The following ANK1 variants were observed in gnomAD, a reference collection of about 807,000 sequenced individuals.
ANK1 encodes the protein ankyrin-1.
ANK1 carries 51 observed loss-of-function variants against 210.4 expected under a neutral mutation model. The observed-to-expected ratio is 0.24, with a 90% confidence interval of 0.19 to 0.31. ANK1 has a LOEUF of 0.31. Among genes scored for constraint, ANK1 ranks in the 10% least tolerant of loss-of-function variants. The pLI is 1.00. For missense variants in ANK1, 2,051 were observed against 2,504.4 expected (o/e 0.82, Z 3.86); for synonymous variants, 967 against 1,025.9 (o/e 0.94, Z 1.10).
At chr8:41,663,114 CTG>C (rs56138651) in intron 40 of ANK1, among the ~76,000 whole-genome samples, 2,477 of 145,188 alleles carry the variant, frequency 0.017, 25 homozygotes, top group South Asian at 0.028. Flanking sequence ...CTCTCTCTCT[CTG>C]TGTGTGTGTG....
At chr8:41,701,462 C>G in intron 22 of ANK1, 88 bp downstream of exon 22, 1 of 1,246,808 alleles carries the variant, frequency 8.0e-7, no homozygotes, top group Non-Finnish European at 1.2e-6. Context: ...TGTAAGGGGA[C>G]AAAGCCGGCA....
At position 41,719,850 on chromosome 8, in the gene ANK1, C is replaced by T; in HGVS notation, c.918G>A (p.Leu306=). 1 of 1,614,212 alleles carries T rather than the reference C, an allele frequency of 6.2e-7. No individual in the cohort carries two copies. Among genetic ancestry groups the T allele is most frequent in the East Asian group, 2.2e-5 (1 of 44,886 alleles). ...APIQAKTKNG[L]SPIHMAAQGD... is the part of the protein sequence containing the mutation. ...CCTGAGCCGCCATGTGAATTGGGGA[C>T]AGGCCGTTCTGGGTAAAGAGGAAAA... Residue 306 remains leucine (L), a synonymous_variant, in exon 10 of 43, where the codon CTG becomes CTA. Transcript: ENST00000289734.
chr8:41,815,933 C>CT (rs1803243960), intron 1 of ANK1, among the ~76,000 whole-genome samples: 1 of 152,138 alleles, frequency 6.6e-6, no homozygotes, highest in Non-Finnish European at 1.5e-5. Context: ...TGTTTCAGTA[C>CT]TTTATCTTAT....
intron 1 of ANK1, among the ~76,000 whole-genome samples, chr8:41,879,584 C>T (rs1194545165): frequency 6.6e-6 from 1 of 152,164 alleles, no homozygotes; most frequent in African/African-American, 2.4e-5. Flanking sequence ...GGCCTTTTAC[C>T]CAGGCACGCA....
At chr8:41,804,815 A>G (rs969286148) in intron 1 of ANK1, among the ~76,000 whole-genome samples, 1 of 152,196 alleles carries the variant, frequency 6.6e-6, no homozygotes, top group African/African-American at 2.4e-5. Context: ...CATTCCGGCA[A>G]AACACGGTGA....
In ANK1 at chr8:41,694,100, G is replaced by C. The variant is rs746203757; in HGVS notation, c.3330C>G (p.Ala1110=). The stretch of plus-strand genomic sequence containing the variant: ...TGACAAGCTCATCCGGGACAGGCTG[G>C]GCCTGTGAAATGACAGAGGCAGGAC... ...VTKRVKLALQ[A]QPVPDELVTK... Residue 1110 remains alanine, a splice_region_variant and synonymous_variant, in exon 29 of 43, where the codon GCC becomes GCG. Transcript: ENST00000289734. This position sits in a 1 kb window ranked among gnomAD's most constrained non-coding sequence, Gnocchi z 5.7. 4 of 1,613,658 alleles carry C rather than the reference G, an allele frequency of 2.5e-6. No individual in the cohort carries two copies. In the South Asian group the frequency reaches 4.4e-5, roughly 18 times the overall value.
rs1554630937 is a variant in ANK1 at position 41,803,055 on chromosome 8, G to GAA, written c.127-44919_127-44918insTT. ...AAAGAAAGAAAGAGAAAGAAAGAAA[G>GAA]AGAGAAAGGAAGGAAGGAAGGAAGG... On this transcript the variant is annotated intron_variant, in intron 1 of 42. Transcript: ENST00000265709. Among the ~76,000 whole-genome samples the GAA allele has an allele frequency of 2.0e-4, 15 of 73,762 alleles. 1 individual carries two copies. The highest frequency in any genetic ancestry group is 1.7e-3 in the East Asian group (7 of 4,046). The allele number at this position is 73,762 out of a possible 152,430, so 48.4% of individuals were successfully genotyped here.
intron 3 of ANK1, among the ~76,000 whole-genome samples, chr8:41,730,487 A>ATGTTT (rs1554581514): frequency 2.1e-5 from 3 of 141,396 alleles, no homozygotes; most frequent in South Asian, 2.3e-4. Flanking sequence ...AAGCCTGTTT[A>ATGTTT]TGTTTTGTTT....
rs368356337 is a variant in ANK1, at chr8:41,763,072, C to T, written c.28-4935G>A. 4.6e-4 allele frequency among the ~76,000 whole-genome samples: 70 copies of T among 152,114 alleles called. 3 individuals carry two copies. The highest frequency in any genetic ancestry group is 1.2e-3 in the African/African-American group (51 of 41,498). On this transcript the variant is annotated intron_variant, in intron 1 of 42. Coordinates refer to ENST00000289734, the MANE Select transcript of ANK1 (RefSeq NM_000037.4). ...CTCTATTAAAAATAGAAAAAGTAGCCGGGCATGGTGGTGCATGCCTGTAAT... is the reference window on the plus strand; with the variant it reads ...CTCTATTAAAAATAGAAAAAGTAGCTGGGCATGGTGGTGCATGCCTGTAAT...
At chr8:41,892,705 C>T (rs541257659) in intron 1 of ANK1, among the ~76,000 whole-genome samples, 1 of 152,284 alleles carries the variant, frequency 6.6e-6, no homozygotes, top group African/African-American at 2.4e-5. Context: ...CCCCAAAAGA[C>T]AGTCAGTCAA....
intron 1 of ANK1, among the ~76,000 whole-genome samples, chr8:41,763,460 T>G (rs1840916344): frequency 6.6e-6 from 1 of 152,176 alleles, no homozygotes; most frequent in African/African-American, 2.4e-5. Context: ...TTTGAGAGGT[T>G]AATAACTTGC....
intron 1 of ANK1, among the ~76,000 whole-genome samples, chr8:41,876,607 G>C (rs1332265137): frequency 1.3e-5 from 2 of 152,222 alleles, no homozygotes; most frequent in African/African-American, 4.8e-5. Context: ...AAACGTACGC[G>C]CTGTCCTTCA....
chr8:41,683,077 T>TGC (rs1305114519), intron 37 of ANK1, among the ~76,000 whole-genome samples: 2 of 149,392 alleles, frequency 1.3e-5, no homozygotes, highest in East Asian at 2.0e-4. Flanking sequence ...CATGAACACG[T>TGC]GCACACACAC....
chr8:41,717,148 G>A, intron 12 of ANK1, 97 bp from the exon 13 acceptor site: 1 of 1,358,530 alleles, frequency 7.4e-7, no homozygotes, highest in Non-Finnish European at 1.0e-6. Context: ...GGCTTGGTGG[G>A]TTTTTGTCCA....
At position 41,733,951 on chromosome 8, in the gene ANK1, C is replaced by G. The variant is rs761973708; in HGVS notation, c.228+20G>C. 7 of 1,607,326 alleles carry G rather than the reference C, an allele frequency of 4.4e-6. No homozygotes were observed. The East Asian group carries it at 1.6e-4, about 36-fold the overall frequency. On this transcript the variant is annotated intron_variant, in intron 3 of 42. Coordinates refer to ENST00000289734, the MANE Select transcript of ANK1 (RefSeq NM_000037.4). ...CTTGAATTTTCAATGCAAAGCTCCC[C>G]CACTCCCTGTGAGACATACCTTGGT...
intron 1 of ANK1, among the ~76,000 whole-genome samples, chr8:41,834,672 G>A (rs534011345): frequency 6.6e-5 from 10 of 152,324 alleles, no homozygotes; most frequent in African/African-American, 2.2e-4. Flanking sequence ...TGAAGGCTTC[G>A]AAGAGGCCAC....
Position 41,713,946 on chromosome 8 carries a change from T to C in ANK1, c.1800+210A>G, listed in dbSNP as rs559187829. ...TGCGAGGTAACCCCTGGCTGGGAAT[T>C]GTTACCCACTTCCCATCCCACTCCT... is the stretch of plus-strand genomic sequence containing the variant. On this transcript the variant is annotated intron_variant, in intron 16 of 42. Transcript: ENST00000289734. Among the ~76,000 whole-genome samples the C allele has an allele frequency of 7.2e-4, 109 of 152,320 alleles. 1 individual carries two copies. The highest frequency in any genetic ancestry group is 6.8e-3 in the Middle Eastern group (2 of 294).
In ANK1 at chr8:41,728,560, A is replaced by G. The variant is rs531405574; in HGVS notation, c.229-554T>C. ...GCACTCATACCCCCTCAATCTATAA[A>G]AAGAAAAACATTTAAAAAGAAGACC... On this transcript the variant is annotated intron_variant, in intron 3 of 42. Transcript: ENST00000289734. Among the ~76,000 whole-genome samples the G allele has an allele frequency of 9.2e-5, 14 of 152,252 alleles. 1 individual carries two copies. The South Asian group carries it at 2.9e-3, about 32-fold the overall frequency.
At chr8:41,878,262 G>A (rs763811285) in intron 1 of ANK1, among the ~76,000 whole-genome samples, 3 of 152,194 alleles carry the variant, frequency 2.0e-5, no homozygotes, top group Non-Finnish European at 4.4e-5. Flanking sequence ...GGTTTACTCT[G>A]CATCCAGCCT....
Sources: allele counts gnomAD v4.1 joint callset (sites outside exome capture counted in the v4.1 genomes callset), GRCh38; gene constraint gnomAD v4.1.1; non-coding constraint Gnocchi (gnomAD v3.1); transcripts MANE v1.5; gene names NCBI Gene and HGNC (gene_info 2026-07-23, HGNC 2026-07-21).